CLMP: variants seen among roughly 807,000 people sequenced by gnomAD.
CLMP encodes the protein CXADR like cell adhesion molecule, also known as CXADR-like membrane protein.
A neutral mutation model predicts 45.2 loss-of-function variants in CLMP; 27 were observed. The observed-to-expected ratio is 0.60, with a 90% CI of 0.44 to 0.82. The LOEUF is 0.82. Among genes scored for constraint, CLMP ranks in the 40% least tolerant of loss-of-function variants. The pLI, the probability that CLMP is intolerant of heterozygous loss-of-function variation, is 0.00. For synonymous variants in CLMP, 167 were observed against 171.4 expected (o/e 0.97, Z 0.20); for missense variants, 403 against 448.4 (o/e 0.90, Z 0.91).
chr11:123,132,673 A>G (rs10892969), intron 1 of CLMP, among the ~76,000 whole-genome samples: 19,878 of 151,834 alleles, frequency 0.13, 1,628 homozygotes, highest in East Asian at 0.27. Flanking sequence ...TGGCCAGGCT[A>G]GTCTGGAACT....
At chr11:123,156,359 C>A (rs1224415732) in intron 1 of CLMP, among the ~76,000 whole-genome samples, 1 of 152,220 alleles carries the variant, frequency 6.6e-6, no homozygotes. Flanking sequence ...CAGGCCAGAA[C>A]AGAAGCAGAT....
At chr11:123,137,303 G>A (rs988874068) in intron 1 of CLMP, among the ~76,000 whole-genome samples, 37 of 151,480 alleles carry the variant, frequency 2.4e-4, no homozygotes, top group Admixed American at 6.6e-4. Flanking sequence ...ACAGGCACCC[G>A]CCACCACGCC....
At chr11:123,185,306 C>T (rs1015887746) in intron 1 of CLMP, among the ~76,000 whole-genome samples, 4 of 152,058 alleles carry the variant, frequency 2.6e-5, no homozygotes, top group Non-Finnish European at 4.4e-5. Flanking sequence ...ATGAGCTTGA[C>T]GGAGTTCACG....
intron 1 of CLMP, among the ~76,000 whole-genome samples, chr11:123,112,729 G>A (rs1380919350): frequency 1.3e-5 from 2 of 151,456 alleles, no homozygotes; most frequent in Non-Finnish European, 2.9e-5. Context: ...CTGAAATCAC[G>A]GCAAAACGGT....
chr11:123,189,917 G>A (rs902276365), intron 1 of CLMP, among the ~76,000 whole-genome samples: 2 of 150,170 alleles, frequency 1.3e-5, no homozygotes, highest in African/African-American at 2.5e-5. Context: ...CAGGAGAATC[G>A]CTTGAACTCG....
At chr11:123,112,684 C>G (rs1329341014) in intron 1 of CLMP, among the ~76,000 whole-genome samples, 1 of 151,650 alleles carries the variant, frequency 6.6e-6, no homozygotes, top group East Asian at 1.9e-4. Flanking sequence ...TGAAATGTAT[C>G]AAGTTATTTA....
At chr11:123,112,349 T>G (rs1353320175) in intron 1 of CLMP, among the ~76,000 whole-genome samples, 1 of 151,356 alleles carries the variant, frequency 6.6e-6, no homozygotes, top group African/African-American at 2.4e-5. Context: ...TTTTTTTTTT[T>G]TTTTTGAGAC....
intron 1 of CLMP, among the ~76,000 whole-genome samples, chr11:123,145,472 T>TGTTTG (rs1219848952): frequency 2.7e-5 from 4 of 147,310 alleles, no homozygotes; most frequent in Admixed American, 1.4e-4. Flanking sequence ...TTTTTTTTTT[T>TGTTTG]TTTTTTTGAG....
At chr11:123,082,277 A>G (rs985709392) in intron 5 of CLMP, among the ~76,000 whole-genome samples, 4 of 152,238 alleles carry the variant, frequency 2.6e-5, no homozygotes, top group East Asian at 1.9e-4. Context: ...GGGGCTGGCT[A>G]ATTCACATGT....
At chr11:123,143,812 ATT>A (rs60758870) in intron 1 of CLMP, among the ~76,000 whole-genome samples, 1 of 146,040 alleles carries the variant, frequency 6.8e-6, no homozygotes, top group Non-Finnish European at 1.5e-5. Flanking sequence ...GTCTTGTGAG[ATT>A]TTTTTTTTTT....
chr11:123,097,134 G>C (rs147441857), intron 2 of CLMP, among the ~76,000 whole-genome samples: 4 of 151,994 alleles, frequency 2.6e-5, no homozygotes, highest in African/African-American at 4.8e-5. Flanking sequence ...TTGCAGGTGT[G>C]AGTCACTGCA....
At chr11:123,098,975 G>A (rs1866022860) in intron 1 of CLMP, among the ~76,000 whole-genome samples, 1 of 152,096 alleles carries the variant, frequency 6.6e-6, no homozygotes, top group Non-Finnish European at 1.5e-5. Flanking sequence ...TTGCAGGCGT[G>A]AGCCACCGCG....
chr11:123,129,679 ATTATAT>A (rs1470194596), intron 1 of CLMP, among the ~76,000 whole-genome samples: 7 of 140,760 alleles, frequency 5.0e-5, no homozygotes, highest in African/African-American at 1.8e-4. Flanking sequence ...ATATATAAAT[ATTATAT>A]TTATATAAAA....
intron 1 of CLMP, among the ~76,000 whole-genome samples, chr11:123,138,623 C>T (rs1004803497): frequency 6.6e-5 from 9 of 136,916 alleles, no homozygotes; most frequent in African/African-American, 2.4e-4. Context: ...CCTCCCCTGC[C>T]ACCATTTGGT....
chr11:123,106,145 AT>A (rs771578861), intron 1 of CLMP, among the ~76,000 whole-genome samples: 75 of 145,968 alleles, frequency 5.1e-4, no homozygotes, highest in South Asian at 4.3e-4. Flanking sequence ...ATTTTATTCT[AT>A]TTTTTTTTTT....
At chr11:123,114,111 C>T (rs1431028268) in intron 1 of CLMP, among the ~76,000 whole-genome samples, 3 of 152,212 alleles carry the variant, frequency 2.0e-5, no homozygotes, top group African/African-American at 7.2e-5. Flanking sequence ...TTATTACCTT[C>T]GTCAGAGAGA....
chr11:123,077,377 G>A (rs2135463169), intron 5 of CLMP, among the ~76,000 whole-genome samples: 1 of 152,040 alleles, frequency 6.6e-6, no homozygotes, highest in South Asian at 2.1e-4. Flanking sequence ...TGTTGCCCAG[G>A]CTGGAATGCA....
intron 1 of CLMP, among the ~76,000 whole-genome samples, chr11:123,098,854 G>A (rs1419092252): frequency 6.6e-6 from 1 of 151,076 alleles, no homozygotes; most frequent in South Asian, 2.1e-4. Context: ...TTACAGGCAC[G>A]CTGTAATTTT....
At chr11:123,080,919 C>A (rs77467414) in intron 5 of CLMP, among the ~76,000 whole-genome samples, 31,812 of 151,808 alleles carry the variant, frequency 0.21, 3,410 homozygotes, top group Admixed American at 0.28. Flanking sequence ...CCGAGGTGGG[C>A]GGATCACGAG....
Sources: allele counts gnomAD v4.1 joint callset (sites outside exome capture counted in the v4.1 genomes callset), GRCh38; gene constraint gnomAD v4.1.1; transcripts MANE v1.5; gene names NCBI Gene and HGNC (gene_info 2026-07-23, HGNC 2026-07-21).